The following ADAMTS20 variants were observed in gnomAD, a reference collection of about 807,000 sequenced individuals.
The protein encoded by ADAMTS20 is ADAM metallopeptidase with thrombospondin type 1 motif 20, also known as A disintegrin and metalloproteinase with thrombospondin motifs 20.
ADAMTS20 carries 225 observed loss-of-function variants against 260.1 expected under a neutral mutation model. That is an observed-to-expected ratio of 0.87 (90% CI 0.78 to 0.97). ADAMTS20 has a LOEUF of 0.97. Ranked by LOEUF, ADAMTS20 falls within the 50% of genes least tolerant of loss-of-function variation. ADAMTS20 has a pLI of 0.00. For missense variants in ADAMTS20, 2,400 were observed against 2,337.7 expected (o/e 1.03, Z -0.55); for synonymous variants, 802 against 769.5 (o/e 1.04, Z -0.70).
intron 7 of ADAMTS20, among the ~76,000 whole-genome samples, chr12:43,478,794 T>C (rs1942398429): frequency 6.6e-6 from 1 of 152,174 alleles, no homozygotes; most frequent in Admixed American, 6.5e-5. Flanking sequence ...TATTTGCCTG[T>C]TAAATCAGGA....
chr12:43,537,019 T>C (rs1351121599), intron 2 of ADAMTS20, among the ~76,000 whole-genome samples: 2 of 152,162 alleles, frequency 1.3e-5, no homozygotes, highest in Admixed American at 6.5e-5. Flanking sequence ...TTTGAAATCA[T>C]TGTTTTAAAT....
intron 3 of ADAMTS20, among the ~76,000 whole-genome samples, chr12:43,511,638 A>G (rs561763358): frequency 6.6e-6 from 1 of 152,294 alleles, no homozygotes; most frequent in South Asian, 2.1e-4. Flanking sequence ...GGGTAGGAAC[A>G]ATAATTGTGA....
chr12:43,477,196 A>G (rs980779464), intron 7 of ADAMTS20, among the ~76,000 whole-genome samples: 2 of 152,170 alleles, frequency 1.3e-5, no homozygotes, highest in African/African-American at 4.8e-5. Flanking sequence ...AAAGCTATAA[A>G]ACCATAATTG....
chr12:43,380,521 G>A (rs1201920008), intron 31 of ADAMTS20, among the ~76,000 whole-genome samples: 1 of 152,076 alleles, frequency 6.6e-6, no homozygotes, highest in Non-Finnish European at 1.5e-5. Context: ...AGATGATATT[G>A]TAAGTAGAAA....
Position 43,429,552 on chromosome 12 carries a change from C to A in ADAMTS20, c.3489+65G>T, listed in dbSNP as rs983365458. Reference sequence around the variant, plus strand: ...TATACATTGTGAAATCTCTAGCAACCATTTTGTTGATGTCTAAAAGCTACC... The same window carrying A: ...TATACATTGTGAAATCTCTAGCAACAATTTTGTTGATGTCTAAAAGCTACC... On this transcript the variant is annotated intron_variant, in intron 24 of 38. Transcript: ENST00000389420. 1.2e-5 allele frequency: 13 copies of A among 1,110,498 alleles called. No individual in the cohort carries two copies. In the Admixed American group the frequency reaches 1.8e-4, roughly 16 times the overall value. 68.8% of individuals were successfully genotyped at this position (1,110,498 alleles called of 1,614,324 possible). A position where few individuals can be genotyped will look rare whatever the true frequency, so the allele number is the denominator to read the frequency against.
intron 3 of ADAMTS20, among the ~76,000 whole-genome samples, chr12:43,516,450 C>A (rs1565579115): frequency 6.6e-6 from 1 of 152,186 alleles, no homozygotes; most frequent in Admixed American, 6.5e-5. Flanking sequence ...ATTGACTTCA[C>A]TAAGCATTTA....
At chr12:43,410,956 G>T (rs1941019724) in intron 28 of ADAMTS20, among the ~76,000 whole-genome samples, 1 of 152,084 alleles carries the variant, frequency 6.6e-6, no homozygotes. Context: ...TGTCTTCAAA[G>T]AATTTATGTT....
chr12:43,401,651 T>C (rs1240561542), intron 28 of ADAMTS20, among the ~76,000 whole-genome samples: 2 of 151,838 alleles, frequency 1.3e-5, no homozygotes, highest in African/African-American at 4.8e-5. Flanking sequence ...ACTAGTCTAA[T>C]CCAGACTGTT....
intron 4 of ADAMTS20, among the ~76,000 whole-genome samples, chr12:43,498,664 T>C (rs1424367654): frequency 4.6e-5 from 7 of 152,228 alleles, no homozygotes; most frequent in Non-Finnish European, 7.3e-5. Context: ...TGGACACTTA[T>C]GTGCAAATAG....
chr12:43,466,429 A>T (rs1942152840), intron 9 of ADAMTS20, among the ~76,000 whole-genome samples: 1 of 151,966 alleles, frequency 6.6e-6, no homozygotes, highest in Non-Finnish European at 1.5e-5. Context: ...CTAAACTACA[A>T]TAAAAATATT....
intron 11 of ADAMTS20, among the ~76,000 whole-genome samples, chr12:43,455,616 A>C (rs1279781391): frequency 1.3e-5 from 2 of 152,132 alleles, no homozygotes; most frequent in Admixed American, 1.3e-4. Flanking sequence ...TTTCAATATG[A>C]GTTTGGGAGG....
intron 28 of ADAMTS20, among the ~76,000 whole-genome samples, chr12:43,421,895 C>T (rs1226092275): frequency 6.6e-6 from 1 of 151,604 alleles, no homozygotes; most frequent in Non-Finnish European, 1.5e-5. Context: ...GAGAAATTAA[C>T]AGTTTGTTAT....
chr12:43,393,905 C>A (rs1940647023), intron 29 of ADAMTS20, among the ~76,000 whole-genome samples: 1 of 152,066 alleles, frequency 6.6e-6, no homozygotes, highest in South Asian at 2.1e-4. Flanking sequence ...ATTGTGAAAG[C>A]AGCCATGGCA....
At position 43,452,524 on chromosome 12, in the gene ADAMTS20, T is replaced by A. The variant is rs1247395991; in HGVS notation, c.1932A>T (p.Arg644Ser). Residue 644 changes from arginine (R) to serine (S), a missense_variant, in exon 13 of 39, where the codon AGA becomes AGT. Transcript: ENST00000389420. Reference protein sequence around the residue: ...GIPSNVRWLPRYSGIGTKDRC... With the variant: ...GIPSNVRWLPSYSGIGTKDRC... The stretch of plus-strand genomic sequence containing the variant: ...GCATAATTTACTTACTGCCACTGTA[T>A]CTTGGAAGCCACCTCACATTAGAGG... The A allele has an allele frequency of 1.2e-6, 2 of 1,612,176 alleles. No individual in the cohort carries two copies. Among genetic ancestry groups the A allele is most frequent in the Non-Finnish European group, 1.7e-6 (2 of 1,178,668 alleles).
rs1440293467 is a variant in ADAMTS20 at position 43,399,130 on chromosome 12, G to A, written c.4388C>T (p.Pro1463Leu). 7.7e-6 allele frequency: 12 copies of A among 1,554,160 alleles called. No individual in the cohort carries two copies. The highest frequency in any genetic ancestry group is 1.0e-5 in the Non-Finnish European group (12 of 1,147,794). The change falls in exon 29 of 39, where the codon CCT becomes CTT. Residue 1463 changes from proline to leucine, a missense_variant. By Grantham distance (98) the Pro-to-Leu change is moderately conservative. Coordinates refer to ENST00000389420, the MANE Select transcript of ADAMTS20 (RefSeq NM_025003.5). ...EDTNCSQVQK[P>L]PTHKACRSVR... ...AGATCTACAGGCTTTGTGAGTTGGA[G>A]GTTTCTGTACTTGACTGCAATTTGT...
chr12:43,426,704 C>CATGTTTTAT (rs1279498018), intron 27 of ADAMTS20, among the ~76,000 whole-genome samples: 1 of 152,132 alleles, frequency 6.6e-6, no homozygotes, highest in Non-Finnish European at 1.5e-5. Context: ...TAGGATTAAA[C>CATGTTTTAT]ATGTTTTATA....
chr12:43,376,594 A>G lies in ADAMTS20; in HGVS notation c.5055T>C (p.His1685=). 1 of 1,613,648 alleles carries G rather than the reference A, an allele frequency of 6.2e-7. No individual in the cohort carries two copies. The highest frequency in any genetic ancestry group is 8.5e-7 in the Non-Finnish European group (1 of 1,179,718). ...MKRQVKCITK[H]GLSSDLCLNH... ...TTAAACATAAGTCACTGGACAAACC[A>G]TGTTTGGTAATGCATTTCACTTGTC... The change falls in exon 33 of 39, where the codon CAT becomes CAC. Residue 1685 remains histidine, a synonymous_variant. Coordinates refer to ENST00000389420, the MANE Select transcript of ADAMTS20 (RefSeq NM_025003.5).
rs1281349078 is a variant in ADAMTS20, at chr12:43,452,427, G to T, written c.1943-17C>A. 4.4e-6 allele frequency: 7 copies of T among 1,604,780 alleles called. No homozygotes were observed. The highest frequency in any genetic ancestry group is 5.9e-6 in the Non-Finnish European group (7 of 1,177,374). ...TTGTGCCAACTGTAAAAAAGAAAAA[G>T]GTCAAATTTTTAATGTATAATAATA... On this transcript the variant is annotated splice_polypyrimidine_tract_variant and intron_variant, in intron 13 of 38. Coordinates refer to ENST00000389420, the MANE Select transcript of ADAMTS20 (RefSeq NM_025003.5).
chr12:43,428,796 A>G lies in ADAMTS20; in HGVS notation c.3493T>C (p.Ser1165Pro), dbSNP rs755385952. Residue 1165 changes from serine to proline, a missense_variant, in exon 25 of 39, where the codon TCC becomes CCC. Coordinates refer to ENST00000389420, the MANE Select transcript of ADAMTS20 (RefSeq NM_025003.5). ...QWRHGSWTPCSVSCGRGTQAR... is the reference protein window; with the variant it reads ...QWRHGSWTPCPVSCGRGTQAR... Reference sequence around the variant, plus strand: ...TGAGTACCTCTTCCACAAGATACGGAGCACTTTTTAAGAAATCAAATTGTA... The same window carrying G: ...TGAGTACCTCTTCCACAAGATACGGGGCACTTTTTAAGAAATCAAATTGTA... 6 of 1,602,854 alleles carry G rather than the reference A, an allele frequency of 3.7e-6. No homozygotes were observed. The Admixed American group carries it at 1.0e-4, about 27-fold the overall frequency.
Sources: allele counts gnomAD v4.1 joint callset (sites outside exome capture counted in the v4.1 genomes callset), GRCh38; gene constraint gnomAD v4.1.1; transcripts MANE v1.5; gene names NCBI Gene and HGNC (gene_info 2026-07-23, HGNC 2026-07-21).